The following ASTN2 variants were observed in gnomAD, a reference collection of about 807,000 sequenced individuals.
ASTN2 encodes astrotactin-2.
In ASTN2, 54 loss-of-function variants were observed where a neutral mutation model predicts 139.8. That is an observed-to-expected ratio of 0.39 (90% CI 0.31 to 0.48). The LOEUF (loss-of-function observed/expected upper bound fraction) is 0.48, where lower values mean the gene tolerates loss of function less well. Among genes scored for constraint, ASTN2 ranks in the 20% least tolerant of loss-of-function variants. ASTN2 has a pLI of 0.95. For synonymous variants in ASTN2, 756 were observed against 719.5 expected (o/e 1.05, Z -0.81); for missense variants, 1,565 against 1,725.1 (o/e 0.91, Z 1.64).
intron 17 of ASTN2, among the ~76,000 whole-genome samples, chr9:116,641,701 G>A (rs528003442): frequency 4.6e-5 from 7 of 152,076 alleles, no homozygotes; most frequent in South Asian, 4.2e-4. Flanking sequence ...TGTATATCTC[G>A]CATTTCTTAT....
chr9:116,772,834 C>T (rs766667529), intron 13 of ASTN2, among the ~76,000 whole-genome samples: 31 of 152,106 alleles, frequency 2.0e-4, no homozygotes, highest in African/African-American at 4.8e-4. Flanking sequence ...TATGAACCTC[C>T]GGGTCAGAGC....
intron 3 of ASTN2, among the ~76,000 whole-genome samples, chr9:117,157,677 C>T (rs1315013027): frequency 6.6e-6 from 1 of 151,892 alleles, no homozygotes; most frequent in Non-Finnish European, 1.5e-5. Context: ...CATAAAGATG[C>T]AGAAGTACAA....
chr9:116,700,607 C>T (rs904047118), intron 16 of ASTN2: 6 of 167,050 alleles, frequency 3.6e-5, no homozygotes, highest in Non-Finnish European at 7.3e-5. Flanking sequence ...GAGGTGGACA[C>T]ATTTTCATGT....
At chr9:117,200,609 A>G (rs1831676952) in intron 3 of ASTN2, among the ~76,000 whole-genome samples, 1 of 152,190 alleles carries the variant, frequency 6.6e-6, no homozygotes, top group East Asian at 1.9e-4. Context: ...TTCTGCATCT[A>G]TTGAGATAAT....
At position 117,334,962 on chromosome 9, in the gene ASTN2, T is replaced by C. The variant is rs560741625; in HGVS notation, c.443-43449A>G. 2.6e-5 allele frequency among the ~76,000 whole-genome samples: 4 copies of C among 152,188 alleles called. No homozygotes were observed. The East Asian group carries it at 7.7e-4, about 29-fold the overall frequency. ...CCCAGCTACTTAGGAGGCTGAGGCA[T>C]GAGAATAGCTTGAACCCGGTAGGCA... On this transcript the variant is annotated intron_variant, in intron 1 of 22. Coordinates refer to ENST00000313400, the MANE Select transcript of ASTN2 (RefSeq NM_001365068.1).
chr9:116,739,011 TAC>T (rs35705356), intron 13 of ASTN2, among the ~76,000 whole-genome samples: 78,333 of 150,342 alleles, frequency 0.52, 20,719 homozygotes, highest in African/African-American at 0.64. Flanking sequence ...AACATTCACT[TAC>T]ACACACACAC....
intron 11 of ASTN2, among the ~76,000 whole-genome samples, chr9:116,842,653 G>C (rs1316601182): frequency 6.6e-6 from 1 of 150,806 alleles, no homozygotes; most frequent in East Asian, 2.0e-4. Context: ...ATAATTACTG[G>C]GAGTTTTAAT....
chr9:116,851,956 A>G (rs1420439651), intron 11 of ASTN2, among the ~76,000 whole-genome samples: 1 of 152,162 alleles, frequency 6.6e-6, no homozygotes, highest in Non-Finnish European at 1.5e-5. Context: ...CCCAGAGAGA[A>G]TCAAGTTTAA....
intron 20 of ASTN2, among the ~76,000 whole-genome samples, chr9:116,474,152 T>C (rs999276931): frequency 6.6e-6 from 1 of 152,150 alleles, no homozygotes; most frequent in Non-Finnish European, 1.5e-5. Context: ...CAAGACCCCA[T>C]GCTCGTAGAC....
At chr9:117,366,375 C>A (rs1829843528) in intron 1 of ASTN2, among the ~76,000 whole-genome samples, 1 of 152,142 alleles carries the variant, frequency 6.6e-6, no homozygotes, top group South Asian at 2.1e-4. Flanking sequence ...ATGCTCTCAT[C>A]AACCCTGTGT....
intron 2 of ASTN2, among the ~76,000 whole-genome samples, chr9:117,274,995 T>G (rs1254505215): frequency 6.6e-6 from 1 of 152,256 alleles, no homozygotes; most frequent in Admixed American, 6.5e-5. Flanking sequence ...TTGTGTGACC[T>G]TGAGCAATCT....
At chr9:117,034,981 C>T (rs1838342489) in intron 6 of ASTN2, among the ~76,000 whole-genome samples, 1 of 152,106 alleles carries the variant, frequency 6.6e-6, no homozygotes, top group African/African-American at 2.4e-5. Context: ...TATAACTATG[C>T]AGTAACACAA....
At chr9:117,006,700 T>C (rs1837362680) in intron 7 of ASTN2, among the ~76,000 whole-genome samples, 1 of 152,036 alleles carries the variant, frequency 6.6e-6, no homozygotes, top group South Asian at 2.1e-4. Context: ...GAATCTGAAG[T>C]CCATATTATA....
intron 3 of ASTN2, among the ~76,000 whole-genome samples, chr9:117,150,977 G>A (rs542274262): frequency 1.5e-4 from 23 of 152,088 alleles, no homozygotes; most frequent in Admixed American, 1.2e-3. Flanking sequence ...CTGGGAATGC[G>A]GGTGTGAGCC....
chr9:117,342,689 C>T (rs1457729884), intron 1 of ASTN2, among the ~76,000 whole-genome samples: 1 of 152,176 alleles, frequency 6.6e-6, no homozygotes, highest in Non-Finnish European at 1.5e-5. Flanking sequence ...GCAATATTAC[C>T]ATTTTCAAAC....
chr9:116,427,601 G>A (rs559462889), intron 22 of ASTN2, among the ~76,000 whole-genome samples: 306 of 152,346 alleles, frequency 2.0e-3, no homozygotes, highest in African/African-American at 7.2e-3. Flanking sequence ...AGGAGGGAAG[G>A]AGTTTTACAA....
intron 17 of ASTN2, among the ~76,000 whole-genome samples, chr9:116,631,278 C>T (rs115918999): frequency 0.016 from 2,377 of 152,238 alleles, 64 homozygotes; most frequent in African/African-American, 0.055. Flanking sequence ...CTGTTTATTG[C>T]AGTACTGTTA....
At position 116,544,572 on chromosome 9, in the gene ASTN2, GTTCCATCACAT is replaced by G. The variant is rs1283651547; in HGVS notation, c.3356-57083_3356-57073del. Reference sequence around the variant, plus strand: ...ATGTAGATGTCACGTGCTTTTGACAGTTCCATCACATTTCTGACAGTTACATATTTTTATTC... The same window carrying G: ...ATGTAGATGTCACGTGCTTTTGACAGTTCTGACAGTTACATATTTTTATTC... On this transcript the variant is annotated intron_variant, in intron 19 of 22. Transcript: ENST00000313400. 9.8e-5 allele frequency among the ~76,000 whole-genome samples: 15 copies of G among 152,298 alleles called. No homozygotes were observed. In the East Asian group the frequency reaches 2.9e-3, roughly 29 times the overall value.
At chr9:116,812,433 T>C (rs1210679381) in intron 12 of ASTN2, among the ~76,000 whole-genome samples, 1 of 152,016 alleles carries the variant, frequency 6.6e-6, no homozygotes, top group African/African-American at 2.4e-5. Context: ...GGGAGCAGAG[T>C]AACGGACCAT....
Sources: allele counts gnomAD v4.1 joint callset (sites outside exome capture counted in the v4.1 genomes callset), GRCh38; gene constraint gnomAD v4.1.1; transcripts MANE v1.5; gene names NCBI Gene and HGNC (gene_info 2026-07-23, HGNC 2026-07-21).